MRPL33: variants seen among roughly 807,000 people sequenced by gnomAD.
MRPL33 encodes mitochondrial ribosomal protein L33, also known as large ribosomal subunit protein bL33m.
Under a neutral mutation model 10.1 loss-of-function variants are expected in MRPL33, and 5 were observed. That is an observed-to-expected ratio of 0.49 (90% confidence interval 0.26 to 1.04). The LOEUF (loss-of-function observed/expected upper bound fraction) is 1.04. MRPL33 is among the 50% of genes least tolerant of loss of function. The pLI, the probability that MRPL33 is intolerant of heterozygous loss-of-function variation, is 0.14. For synonymous variants in MRPL33, 24 were observed against 27.7 expected, an observed-to-expected ratio of 0.87 and a Z score of 0.42; for missense variants, 79 against 78.1, an observed-to-expected ratio of 1.01 and a Z score of -0.04.
chr2:27,774,392 C>T (rs376793368), intron 2 of MRPL33, 32 bp from the exon 3 acceptor site: 107 of 1,569,332 alleles, frequency 6.8e-5, no homozygotes, highest in Middle Eastern at 3.3e-4. Flanking sequence ...ATTTCGTCAG[C>T]TCGTACATAA....
intron 1 of MRPL33, chr2:27,772,369 G>C (rs1394303049): frequency 6.3e-6 from 2 of 318,298 alleles, no homozygotes; most frequent in Admixed American, 9.5e-5. Context: ...CCTTAGAAGA[G>C]GGAAAAAATG....
chr2:27,778,473 G>A (rs1677216710), intron 3 of MRPL33, among the ~76,000 whole-genome samples: 2 of 152,196 alleles, frequency 1.3e-5, no homozygotes, highest in South Asian at 4.1e-4. Flanking sequence ...GTGTGTGTGT[G>A]AGAGAGATGG....
Position 27,779,708 on chromosome 2 carries a change from A to G in MRPL33, c.*226A>G. 3 of 748,336 alleles carry G rather than the reference A, an allele frequency of 4.0e-6. No individual in the cohort carries two copies. The highest frequency in any genetic ancestry group is 3.6e-5 in the Admixed American group (1 of 27,482). The allele number at this position is 748,336 out of a possible 1,614,324, so 46.4% of individuals were successfully genotyped here. Reference sequence around the variant, plus strand: ...TATTTATCTTTCTGGGTATTTTTATAGCCCTTAATAAAAAATATTAAAATA... The same window carrying G: ...TATTTATCTTTCTGGGTATTTTTATGGCCCTTAATAAAAAATATTAAAATA... On this transcript the variant is annotated 3_prime_UTR_variant, in exon 4 of 4. Transcript: ENST00000296102.
chr2:27,779,484 C>T lies in MRPL33; in HGVS notation c.*2C>T, dbSNP rs759708023. The T allele has an allele frequency of 4.5e-5, 73 of 1,613,048 alleles. No homozygotes were observed. The highest frequency in any genetic ancestry group is 1.1e-4 in the African/African-American group (8 of 74,806). On this transcript the variant is annotated 3_prime_UTR_variant, in exon 4 of 4. Coordinates refer to ENST00000296102, the MANE Select transcript of MRPL33 (RefSeq NM_004891.4). ...AAGAAAAAAATACGCTCCCTTTAAA[C>T]GGTGGATTGAAAATGACTTTGATTT...
rs767839644 is a variant in MRPL33 at position 27,771,767 on chromosome 2, G to A, written c.-11G>A. On this transcript the variant is annotated 5_prime_UTR_variant, in exon 1 of 4. The change creates a new upstream start codon in the 5' untranslated region. Coordinates refer to ENST00000296102, the MANE Select transcript of MRPL33 (RefSeq NM_004891.4). ...TTGGCCGGTGACGGAGACTGCCCAGGTGTGGTCACCATGTTCCTCTCCGCG... is the reference window on the plus strand; with the variant it reads ...TTGGCCGGTGACGGAGACTGCCCAGATGTGGTCACCATGTTCCTCTCCGCG... The A allele has an allele frequency of 6.2e-7, 1 of 1,614,182 alleles. No homozygotes were observed. Among genetic ancestry groups the A allele is most frequent in the Non-Finnish European group, 8.5e-7 (1 of 1,180,010 alleles).
Position 27,779,722 on chromosome 2 carries a change from A to G in MRPL33, c.*240A>G, listed in dbSNP as rs1677242663. 1.6e-6 allele frequency: 1 copy of G among 618,256 alleles called. No individual in the cohort carries two copies. Among genetic ancestry groups the G allele is most frequent in the East Asian group, 3.5e-5 (1 of 28,680 alleles). 38.3% of individuals were successfully genotyped at this position (618,256 alleles called of 1,614,324 possible). ...GGTATTTTTATAGCCCTTAATAAAA[A>G]ATATTAAAATAGCCTGTGCTATTGT... On this transcript the variant is annotated 3_prime_UTR_variant, in exon 4 of 4. Coordinates refer to ENST00000296102, the MANE Select transcript of MRPL33 (RefSeq NM_004891.4).
At position 27,774,561 on chromosome 2, in the gene MRPL33, G is replaced by A. The variant is rs138335954; in HGVS notation, c.148+31G>A. On this transcript the variant is annotated intron_variant, in intron 3 of 3. Coordinates refer to ENST00000296102, the MANE Select transcript of MRPL33 (RefSeq NM_004891.4). ...ATCTGGGGAGGTTAATGCTTCCAAG[G>A]CCTGTTGCCCCCTTTGTAGGCTGAA... 1.4e-3 allele frequency: 2,201 copies of A among 1,562,446 alleles called. 6 individuals are homozygous for A. Among genetic ancestry groups the A allele is most frequent in the Non-Finnish European group, 1.7e-3 (1,910 of 1,133,058 alleles).
intron 2 of MRPL33, 65 bp from the exon 3 acceptor site, chr2:27,774,359 C>A: frequency 7.7e-7 from 1 of 1,293,712 alleles, no homozygotes; most frequent in Non-Finnish European, 1.1e-6. Flanking sequence ...AATGTGCCAT[C>A]CCCCTGTGAC....
intron 3 of MRPL33, among the ~76,000 whole-genome samples, chr2:27,778,941 A>T (rs1002062615): frequency 6.6e-6 from 1 of 152,200 alleles, no homozygotes; most frequent in Non-Finnish European, 1.5e-5. Context: ...TGGTTATGAT[A>T]TTAATTATAG....
At chr2:27,772,329 A>G in intron 1 of MRPL33, 1 of 267,364 alleles carries the variant, frequency 3.7e-6, no homozygotes, top group South Asian at 8.0e-5. Flanking sequence ...CTTGTCAAAC[A>G]AGAAGCTTGC....
rs368276511 is a variant in MRPL33, at chr2:27,779,616, T to C, written c.*134T>C. 4.5e-6 allele frequency: 7 copies of C among 1,548,976 alleles called. No individual in the cohort carries two copies. Among genetic ancestry groups the C allele is most frequent in the Non-Finnish European group, 5.2e-6 (6 of 1,150,934 alleles). On this transcript the variant is annotated 3_prime_UTR_variant, in exon 4 of 4. Coordinates refer to ENST00000296102, the MANE Select transcript of MRPL33 (RefSeq NM_004891.4). ...ACTGCCTCCTGTGATTTGAAGGCCA[T>C]TGTGAAGGAAAACAATGCAGTGAAA...
intron 1 of MRPL33, 66 bp from the exon 2 acceptor site, chr2:27,772,608 T>A: frequency 7.8e-7 from 1 of 1,286,354 alleles, no homozygotes; most frequent in Non-Finnish European, 1.1e-6. Flanking sequence ...ATATGAACTT[T>A]GCATAAGAAA....
chr2:27,778,937 T>C (rs1677224239), intron 3 of MRPL33, among the ~76,000 whole-genome samples: 1 of 152,220 alleles, frequency 6.6e-6, no homozygotes, highest in South Asian at 2.1e-4. Context: ...ATTTTGGTTA[T>C]GATATTAATT....
intron 1 of MRPL33, chr2:27,772,276 T>G (rs1677064139): frequency 4.2e-6 from 1 of 237,520 alleles, no homozygotes; most frequent in Non-Finnish European, 8.1e-6. Flanking sequence ...TAGTATCTGG[T>G]TTTCACCACA....
intron 3 of MRPL33, among the ~76,000 whole-genome samples, chr2:27,775,323 C>CTGTTCATTT (rs1208223197): frequency 6.9e-6 from 1 of 145,602 alleles, no homozygotes; most frequent in Non-Finnish European, 1.5e-5. Flanking sequence ...AGAGCTCTGG[C>CTGTTCATTT]TGTTCATTTT....
intron 1 of MRPL33, 128 bp downstream of exon 1, chr2:27,771,927 A>G (rs1247958551): frequency 2.0e-6 from 2 of 991,832 alleles, no homozygotes; most frequent in African/African-American, 3.2e-5. Context: ...GTACTTTTCC[A>G]GGCCTTCAGG....
At chr2:27,778,244 C>T (rs548013002) in intron 3 of MRPL33, among the ~76,000 whole-genome samples, 2 of 152,086 alleles carry the variant, frequency 1.3e-5, no homozygotes, top group African/African-American at 2.4e-5. Context: ...CATTCTTAGT[C>T]GTAGATAGCT....
At chr2:27,777,976 T>G (rs1677206997) in intron 3 of MRPL33, among the ~76,000 whole-genome samples, 1 of 152,256 alleles carries the variant, frequency 6.6e-6, no homozygotes, top group Admixed American at 6.5e-5. Context: ...AATGCATTAA[T>G]GCATTGTAGT....
rs963215579 is a variant in MRPL33 at position 27,771,868 on chromosome 2, G to A, written c.22+69G>A. ...AGGGGGCCGTGACAGGCAGGGCCCC[G>A]GAATGATGCGGGGAAGGATGTGCGA... is the stretch of plus-strand genomic sequence containing the variant. On this transcript the variant is annotated intron_variant, in intron 1 of 3. Coordinates refer to ENST00000296102, the MANE Select transcript of MRPL33 (RefSeq NM_004891.4). 32 of 1,465,500 alleles carry A rather than the reference G, an allele frequency of 2.2e-5. 1 individual carries two copies. The South Asian group carries it at 3.3e-4, about 15-fold the overall frequency. The allele number at this position is 1,465,500 out of a possible 1,614,324, so 90.8% of individuals were successfully genotyped here. A position where few individuals can be genotyped will look rare whatever the true frequency, so the allele number is the denominator to read the frequency against.
Sources: gnomAD v4.1 joint callset for allele counts (sites outside exome capture counted in the v4.1 genomes callset) on GRCh38, gnomAD v4.1.1 for gene constraint, MANE v1.5 for transcripts, NCBI Gene and HGNC (gene_info 2026-07-23, HGNC 2026-07-21) for gene names.